The following SLC39A11 variants were observed in gnomAD, a reference collection of about 807,000 sequenced individuals.
SLC39A11 encodes the protein solute carrier family 39 member 11.
A neutral mutation model predicts 36.1 loss-of-function variants in SLC39A11; 33 were observed. The observed-to-expected ratio is 0.91, with a 90% CI of 0.69 to 1.22. The LOEUF is 1.22. Ranked by LOEUF, SLC39A11 falls within the 50% of genes most tolerant of loss-of-function variation. The pLI is 0.00. For synonymous variants in SLC39A11, 166 were observed against 170.3 expected, an observed-to-expected ratio of 0.97 and a Z score of 0.20; for missense variants, 432 against 430.3, an observed-to-expected ratio of 1.00 and a Z score of -0.03.
chr17:72,823,166 G>T (rs16977402), intron 6 of SLC39A11, among the ~76,000 whole-genome samples: 1 of 151,214 alleles, frequency 6.6e-6, no homozygotes, highest in African/African-American at 2.4e-5. Context: ...AATACCGTGA[G>T]AACTCTCTCT....
At chr17:72,941,864 A>ATTTATTTC (rs933844435) in intron 5 of SLC39A11, among the ~76,000 whole-genome samples, 1 of 139,786 alleles carries the variant, frequency 7.2e-6, no homozygotes, top group Non-Finnish European at 1.5e-5. Context: ...GCTTCATTCT[A>ATTTATTTC]TTTATTTATT....
chr17:72,905,318 A>G (rs2082603697), intron 5 of SLC39A11, among the ~76,000 whole-genome samples: 2 of 141,910 alleles, frequency 1.4e-5, no homozygotes, highest in Non-Finnish European at 3.1e-5. Context: ...TGTCTAGGCC[A>G]GGCACAGTGG....
In SLC39A11 at chr17:72,729,405, TTATATATATATATATA is replaced by T. The variant is rs1162603035; in HGVS notation, c.671+7229_671+7244del. On this transcript the variant is annotated intron_variant, in intron 7 of 9. Transcript: ENST00000255559. ...GGTGCATGCCACCCCACCTGGCTAT[TTATATATATATATATA>T]TATATATATATATATATATATATAT... Among the ~76,000 whole-genome samples the T allele has an allele frequency of 3.6e-3, 106 of 29,194 alleles. 1 individual carries two copies. The highest frequency in any genetic ancestry group is 4.9e-3 in the Non-Finnish European group (68 of 13,870). 19.2% of individuals were successfully genotyped at this position (29,194 alleles called of 152,430 possible).
intron 3 of SLC39A11, among the ~76,000 whole-genome samples, chr17:73,075,792 G>C (rs1395165740): frequency 1.3e-5 from 2 of 152,032 alleles, no homozygotes; most frequent in Admixed American, 6.6e-5. Flanking sequence ...GGCAGAGGTT[G>C]CAGTCAGCTG....
At chr17:72,750,507 A>AT (rs34117065) in intron 6 of SLC39A11, among the ~76,000 whole-genome samples, 3,394 of 149,126 alleles carry the variant, frequency 0.023, 116 homozygotes, top group African/African-American at 0.079. Context: ...GGAGGAAAGG[A>AT]TTTTTTTTTT....
chr17:72,864,752 C>T (rs1297423079), intron 5 of SLC39A11, among the ~76,000 whole-genome samples: 1 of 152,180 alleles, frequency 6.6e-6, no homozygotes, highest in Non-Finnish European at 1.5e-5. Context: ...TAACCCGCTG[C>T]TCCCTGTCAG....
At chr17:72,876,942 TCCCTGTG>T (rs2080929193) in intron 5 of SLC39A11, among the ~76,000 whole-genome samples, 1 of 151,980 alleles carries the variant, frequency 6.6e-6, no homozygotes, top group African/African-American at 2.4e-5. Context: ...CACTCCAATT[TCCCTGTG>T]CCCACAACCA....
intron 6 of SLC39A11, among the ~76,000 whole-genome samples, chr17:72,785,675 T>G (rs931080354): frequency 2.0e-5 from 3 of 152,146 alleles, no homozygotes; most frequent in Admixed American, 2.0e-4. Flanking sequence ...TGGCTTCAAA[T>G]GGCCACCACC....
At chr17:72,661,568 C>T (rs146351473) in intron 7 of SLC39A11, among the ~76,000 whole-genome samples, 3 of 152,122 alleles carry the variant, frequency 2.0e-5, no homozygotes, top group East Asian at 1.9e-4. Flanking sequence ...ATCATCTTGC[C>T]GTGAAAGGCC....
chr17:72,691,124 G>T (rs746324913), intron 7 of SLC39A11, among the ~76,000 whole-genome samples: 8 of 152,142 alleles, frequency 5.3e-5, no homozygotes, highest in Non-Finnish European at 7.4e-5. Flanking sequence ...CCTCCTGGGA[G>T]CTTTCTCCAA....
At chr17:72,924,162 A>AATTTT (rs560384382) in intron 5 of SLC39A11, among the ~76,000 whole-genome samples, 1 of 120,568 alleles carries the variant, frequency 8.3e-6, no homozygotes, top group Non-Finnish European at 1.6e-5. Flanking sequence ...AAAAAAAAAA[A>AATTTT]TTTTTTTTTT....
intron 5 of SLC39A11, among the ~76,000 whole-genome samples, chr17:72,943,077 A>C (rs969948704): frequency 1.3e-5 from 2 of 152,168 alleles, no homozygotes; most frequent in Admixed American, 1.3e-4. Flanking sequence ...CAAATACAAG[A>C]CTGAAAGAGG....
At chr17:72,757,164 T>G (rs2075387226) in intron 6 of SLC39A11, among the ~76,000 whole-genome samples, 1 of 151,866 alleles carries the variant, frequency 6.6e-6, no homozygotes, top group East Asian at 1.9e-4. Context: ...AAACTCCGTC[T>G]CAATAAATAA....
intron 6 of SLC39A11, among the ~76,000 whole-genome samples, chr17:72,773,624 T>C (rs1164291938): frequency 7.0e-6 from 1 of 143,166 alleles, no homozygotes; most frequent in Non-Finnish European, 1.5e-5. Context: ...GAAAACAGAC[T>C]AATACAGGGG....
intron 4 of SLC39A11, among the ~76,000 whole-genome samples, chr17:72,984,954 C>T (rs900095524): frequency 1.3e-5 from 2 of 152,244 alleles, no homozygotes; most frequent in Admixed American, 1.3e-4. Context: ...CAATAACCCT[C>T]TTATGGAATC....
intron 1 of SLC39A11, chr17:73,089,564 TG>T (rs2060857363): frequency 1.3e-5 from 2 of 152,644 alleles, no homozygotes; most frequent in Admixed American, 1.3e-4. Context: ...CATGCAGCTT[TG>T]GTCCTCTCTC....
At chr17:72,796,641 T>G (rs1402771190) in intron 6 of SLC39A11, among the ~76,000 whole-genome samples, 1 of 152,080 alleles carries the variant, frequency 6.6e-6, no homozygotes, top group Admixed American at 6.5e-5. Flanking sequence ...AAACGAGACC[T>G]AGGCCCTGGA....
chr17:72,795,113 G>A (rs1176101834), intron 6 of SLC39A11, among the ~76,000 whole-genome samples: 3 of 152,110 alleles, frequency 2.0e-5, no homozygotes, highest in South Asian at 2.1e-4. Flanking sequence ...ATCTACTGCT[G>A]TATAACATCT....
chr17:72,809,618 T>A lies in SLC39A11; in HGVS notation c.601+40016A>T, dbSNP rs576980028. 2.6e-5 allele frequency among the ~76,000 whole-genome samples: 4 copies of A among 152,184 alleles called. No individual in the cohort carries two copies. The East Asian group carries it at 7.7e-4, about 29-fold the overall frequency. ...CTCATCACATCTTGGAGTAACAGTA[T>A]GGCATTAAAAAGGTATGTCCAAAAG... On this transcript the variant is annotated intron_variant, in intron 6 of 9. Coordinates refer to ENST00000255559, the MANE Select transcript of SLC39A11 (RefSeq NM_139177.4).
Sources: gnomAD v4.1 joint callset for allele counts (sites outside exome capture counted in the v4.1 genomes callset) on GRCh38, gnomAD v4.1.1 for gene constraint, MANE v1.5 for transcripts, NCBI Gene and HGNC (gene_info 2026-07-23, HGNC 2026-07-21) for gene names.